Variants in DNAH1 observed in about 807,000 individuals in gnomAD.
DNAH1 encodes dynein axonemal heavy chain 1.
A neutral mutation model predicts 484.3 loss-of-function variants in DNAH1; 327 were observed. The observed-to-expected ratio is 0.68, with a 90% CI of 0.62 to 0.74. The LOEUF (loss-of-function observed/expected upper bound fraction) is 0.74. Ranked by LOEUF, DNAH1 falls within the 30% of genes least tolerant of loss-of-function variation. DNAH1 has a pLI of 0.00. For synonymous variants in DNAH1, 2,192 were observed against 2,191.9 expected (o/e 1.00, Z 0.00); for missense variants, 5,052 against 5,546.8 (o/e 0.91, Z 2.83).
intron 10 of DNAH1, among the ~76,000 whole-genome samples, chr3:52,346,080 CACTCA>C (rs1702129830): frequency 1.3e-5 from 2 of 152,210 alleles, no homozygotes; most frequent in South Asian, 4.1e-4. Context: ...ACCCCCTCTG[CACTCA>C]ACTCTGTCTC....
In DNAH1 at chr3:52,351,926, G is replaced by T. The variant is rs1352084732; in HGVS notation, c.2730-36G>T. 2.5e-6 allele frequency: 4 copies of T among 1,586,202 alleles called. No homozygotes were observed. In the African/African-American group the frequency reaches 4.0e-5, roughly 16 times the overall value. On this transcript the variant is annotated intron_variant, in intron 16 of 77. Transcript: ENST00000420323. ...CTTGCCACTCCACCACTTCAGCCGC[G>T]ATATTTCTCCCAATCCCCACCCCCA...
chr3:52,388,776 A>G, intron 58 of DNAH1, 30 bp from the exon 59 acceptor site: 1 of 1,611,772 alleles, frequency 6.2e-7, no homozygotes, highest in Non-Finnish European at 8.5e-7. Flanking sequence ...CCAGCCTCCC[A>G]GAGCCCACCC....
In DNAH1 at chr3:52,361,284, C is replaced by T. The variant is rs536663755; in HGVS notation, c.4806C>T (p.Thr1602=). 2.4e-5 allele frequency: 39 copies of T among 1,611,312 alleles called. No individual in the cohort carries two copies. The highest frequency in any genetic ancestry group is 1.9e-4 in the African/African-American group (14 of 75,016). ...KDLGKALAIQ[T]VVFNCSDQLD... is the part of the protein sequence containing the mutation. ...TGGGTAAGGCCTTGGCCATACAGAC[C>T]GTTGTGTTCAACTGCTCTGACCAGC... Residue 1602 remains threonine, a synonymous_variant, in exon 29 of 78, where the codon ACC becomes ACT. Coordinates refer to ENST00000420323, the MANE Select transcript of DNAH1 (RefSeq NM_015512.5). This position sits in a 1 kb window ranked among gnomAD's most constrained non-coding sequence, Gnocchi z 5.6.
In DNAH1 at chr3:52,373,323, C is replaced by T. The variant is rs142472916; in HGVS notation, c.6985+270C>T. On this transcript the variant is annotated intron_variant, in intron 44 of 77. Coordinates refer to ENST00000420323, the MANE Select transcript of DNAH1 (RefSeq NM_015512.5). ...CAGGTGGCGGTGGTGGCCGCGGGGG[C>T]GCGACGGCGGGGCGGGGGCGCTGCT... 0.031 allele frequency among the ~76,000 whole-genome samples: 4,216 copies of T among 134,646 alleles called. 88 individuals are homozygous for T. The highest frequency in any genetic ancestry group is 0.043 in the Non-Finnish European group (2,750 of 64,078). 88.3% of individuals were successfully genotyped at this position (134,646 alleles called of 152,430 possible). A position where few individuals can be genotyped will look rare whatever the true frequency, so the allele number is the denominator to read the frequency against.
upstream of DNAH1, among the ~76,000 whole-genome samples, chr3:52,313,676 G>A (rs1700863872): frequency 6.6e-6 from 1 of 152,204 alleles, no homozygotes; most frequent in East Asian, 1.9e-4. Flanking sequence ...ACCTCTTTGG[G>A]AGTGAGGGAT....
chr3:52,399,297 C>A (rs1467116834), intron 76 of DNAH1, 96 bp downstream of exon 76: 1 of 1,313,976 alleles, frequency 7.6e-7, no homozygotes, highest in Non-Finnish European at 1.0e-6. Flanking sequence ...GTTGGGGGAC[C>A]CCTAAGCCAG....
At chr3:52,392,034 G>A (rs183171998) in intron 63 of DNAH1, among the ~76,000 whole-genome samples, 2 of 152,310 alleles carry the variant, frequency 1.3e-5, no homozygotes, top group South Asian at 2.1e-4. Context: ...TGTGGTTTTC[G>A]CTGGCCATCC....
intron 8 of DNAH1, among the ~76,000 whole-genome samples, chr3:52,336,993 G>T (rs781595376): frequency 3.3e-5 from 5 of 152,174 alleles, no homozygotes; most frequent in South Asian, 2.1e-4. Flanking sequence ...GATGGGAATT[G>T]TGTTGAATCT....
At position 52,388,427 on chromosome 3, in the gene DNAH1, C is replaced by T; in HGVS notation, c.9181C>T (p.Leu3061=). 1.9e-6 allele frequency: 3 copies of T among 1,611,632 alleles called. No individual in the cohort carries two copies. The highest frequency in any genetic ancestry group is 2.5e-6 in the Non-Finnish European group (3 of 1,178,854). ...GCCCTCCGCCCCACAGCAAGCCCTG[C>T]TGGAGGCCCAGGATGACCTGGGGGT... ...KAVEPKRQAL[L]EAQDDLGVTQ... The change falls in exon 58 of 78, where the codon CTG becomes TTG. Residue 3061 remains leucine, a synonymous_variant. Transcript: ENST00000420323.
At chr3:52,373,223 C>T (rs905558618) in intron 44 of DNAH1, among the ~76,000 whole-genome samples, 170 bp downstream of exon 44, 56 of 151,948 alleles carry the variant, frequency 3.7e-4, no homozygotes, top group African/African-American at 1.3e-3. Context: ...GGCGGAGAGA[C>T]GCCGCCGCCA....
At chr3:52,369,763 G>C (rs1222992626) in intron 37 of DNAH1, 62 bp from the exon 38 acceptor site, 1 of 1,540,978 alleles carries the variant, frequency 6.5e-7, no homozygotes, top group East Asian at 2.3e-5. Flanking sequence ...CAGCCCTGCA[G>C]CCCTTTCTCC....
intron 58 of DNAH1, 60 bp from the exon 59 acceptor site, chr3:52,388,746 G>T: frequency 6.2e-7 from 1 of 1,607,042 alleles, no homozygotes; most frequent in Non-Finnish European, 8.5e-7. Flanking sequence ...AGTGGGTAGG[G>T]CCAGCCCCAG....
At chr3:52,393,741 A>T (rs1704497107) in intron 66 of DNAH1, among the ~76,000 whole-genome samples, 1 of 152,228 alleles carries the variant, frequency 6.6e-6, no homozygotes, top group Admixed American at 6.5e-5. Flanking sequence ...TCTACTAAAA[A>T]TACAAAAATT....
Position 52,396,903 on chromosome 3 carries a change from G to A in DNAH1, c.11646G>A (p.Gly3882=), listed in dbSNP as rs780936476. The change falls in exon 73 of 78, where the codon GGG becomes GGA. Residue 3882 remains glycine (G), a synonymous_variant. Transcript: ENST00000420323. ...ACACGGCAGGGGAGATCAATTACGGGGGCCGTGTCACTGATGACTGGGACC... is the reference window on the plus strand; with the variant it reads ...ACACGGCAGGGGAGATCAATTACGGAGGCCGTGTCACTGATGACTGGGACC... ...LKYTAGEINY[G]GRVTDDWDRR... is the part of the protein sequence containing the mutation. The A allele has an allele frequency of 5.0e-6, 8 of 1,613,466 alleles. No homozygotes were observed. The South Asian group carries it at 8.8e-5, about 18-fold the overall frequency.
At chr3:52,392,332 C>T in intron 63 of DNAH1, 132 bp from the exon 64 acceptor site, 1 of 800,382 alleles carries the variant, frequency 1.2e-6, no homozygotes, top group Non-Finnish European at 2.0e-6. Flanking sequence ...GGCTAGGCCT[C>T]CTAGGCCAAC....
chr3:52,359,895 C>G, intron 26 of DNAH1, 21 bp from the exon 27 acceptor site: 1 of 1,612,706 alleles, frequency 6.2e-7, no homozygotes, highest in Non-Finnish European at 8.5e-7. Context: ...TGATGTTTGA[C>G]AGTGCACCCC....
At chr3:52,380,200 C>T in intron 48 of DNAH1, 65 bp downstream of exon 48, 6 of 1,409,336 alleles carry the variant, frequency 4.3e-6, no homozygotes, top group Non-Finnish European at 5.8e-6. Flanking sequence ...CCCTGGGGCC[C>T]AGGCCCCCTG....
Position 52,370,721 on chromosome 3 carries a change from ACT to A in DNAH1, c.6424_6425del (p.Leu2142AlafsTer25). The A allele has an allele frequency of 5.6e-6, 9 of 1,601,132 alleles. No homozygotes were observed. The highest frequency in any genetic ancestry group is 7.7e-6 in the Non-Finnish European group (9 of 1,174,324). On this transcript the variant is annotated frameshift_variant, in exon 41 of 78. Transcript: ENST00000420323. LOFTEE classifies it high-confidence loss of function. ...TTCTCCTCCTGGTTCCCGGCAGCTG[ACT>A]CTGCTTTTCCCAGAAGAGGGGCTGG... ...LRLKMENEQLTLLFPEEGLVF... is the reference protein window; with the variant it reads ...LRLKMENEQLXLLFPEEGLVF...
In DNAH1 at chr3:52,361,148, C is replaced by T. The variant is rs760750608; in HGVS notation, c.4686-16C>T. On this transcript the variant is annotated splice_polypyrimidine_tract_variant and intron_variant, in intron 28 of 77. Transcript: ENST00000420323. The surrounding 1 kb of genome is among the most constrained non-coding windows in gnomAD (Gnocchi z 5.6). ...GGCCATGTGCGGCCCGAGCCCACCT[C>T]CTCTGTCTCCTGCAGGTGCTACCTG... The T allele has an allele frequency of 1.9e-6, 3 of 1,566,712 alleles. No individual in the cohort carries two copies. The highest frequency in any genetic ancestry group is 2.6e-6 in the Non-Finnish European group (3 of 1,157,984).
Sources: allele counts gnomAD v4.1 joint callset (sites outside exome capture counted in the v4.1 genomes callset), GRCh38; gene constraint gnomAD v4.1.1; non-coding constraint Gnocchi (gnomAD v3.1); transcripts MANE v1.5; gene names NCBI Gene and HGNC (gene_info 2026-07-23, HGNC 2026-07-21).